CLEC2A: variants seen among roughly 807,000 people sequenced by gnomAD.
CLEC2A encodes C-type lectin domain family 2 member A, also known as keratinocyte-associated C-type lectin.
Under a neutral mutation model 18.6 loss-of-function variants are expected in CLEC2A, and 19 were observed. The ratio of observed to expected loss-of-function variants is 1.02; its 90% confidence interval spans 0.71 to 1.50. The LOEUF is 1.50. CLEC2A is among the 40% of genes most tolerant of loss of function. The probability of loss-of-function intolerance (pLI) is 0.00; values close to 1 mark genes in which losing one functional copy is unlikely to be tolerated. For synonymous variants in CLEC2A, 74 were observed against 64.0 expected, an observed-to-expected ratio of 1.16 and a Z score of -0.75; for missense variants, 190 against 207.9, an observed-to-expected ratio of 0.91 and a Z score of 0.53.
At chr12:9,889,048 A>ATT in the CLEC2A span, among the ~76,000 whole-genome samples, 1 of 152,200 alleles carries the variant, frequency 6.6e-6, no homozygotes, top group Non-Finnish European at 1.5e-5. Context: ...TGCCATACCT[A>ATT]ACTTGCCAAA....
At chr12:9,904,668 G>A (rs1852197667) in intron 4 of CLEC2A, among the ~76,000 whole-genome samples, 2 of 152,064 alleles carry the variant, frequency 1.3e-5, no homozygotes, top group Non-Finnish European at 2.9e-5. Flanking sequence ...ATTCCTATGG[G>A]GTCTCGTCCT....
At chr12:9,920,444 G>A (rs1486903616) in intron 3 of CLEC2A, among the ~76,000 whole-genome samples, 2 of 152,168 alleles carry the variant, frequency 1.3e-5, no homozygotes, top group East Asian at 3.9e-4. Context: ...AGATCCATGG[G>A]AGCAGCATGG....
chr12:9,906,507 G>A (rs768336214), intron 4 of CLEC2A, among the ~76,000 whole-genome samples: 9 of 152,118 alleles, frequency 5.9e-5, no homozygotes, highest in Non-Finnish European at 1.0e-4. Flanking sequence ...TGGCCTTTGC[G>A]GTTAATAAGA....
the CLEC2A span, among the ~76,000 whole-genome samples, chr12:9,887,181 A>G: frequency 6.6e-6 from 1 of 152,304 alleles, no homozygotes; most frequent in East Asian, 1.9e-4. Context: ...ATTTCTCAAG[A>G]GTAAAAGCAA....
chr12:9,916,751 C>T lies in CLEC2A; in HGVS notation c.359G>A (p.Arg120Lys). ...CCATTTCCAAGAATCTCCTTGTTTC[C>T]TGCTTAGTCCAATCCAGTGCATATC... is the stretch of plus-strand genomic sequence containing the variant. ...GTDMHWIGLSRKQGDSWKWTN... is the reference protein window; with the variant it reads ...GTDMHWIGLSKKQGDSWKWTN... The change falls in exon 4 of 5, where the codon AGG (arginine) becomes AAG (lysine). Residue 120 changes from arginine (R) to lysine (K), a missense_variant. By Grantham distance (26) the Arg-to-Lys change is conservative. Coordinates refer to ENST00000455827, the MANE Select transcript of CLEC2A (RefSeq NM_001130711.2). The T allele has an allele frequency of 6.4e-7, 1 of 1,551,458 alleles. No individual in the cohort carries two copies. The highest frequency in any genetic ancestry group is 8.7e-7 in the Non-Finnish European group (1 of 1,146,720).
intron 2 of CLEC2A, among the ~76,000 whole-genome samples, chr12:9,924,256 T>C (rs1863226718): frequency 6.6e-6 from 1 of 151,694 alleles, no homozygotes; most frequent in Admixed American, 6.6e-5. Flanking sequence ...GCCACATAAA[T>C]GTCTTCTTTT....
chr12:9,885,605 C>T, the CLEC2A span, among the ~76,000 whole-genome samples: 31 of 151,962 alleles, frequency 2.0e-4, no homozygotes, highest in Admixed American at 5.2e-4. Flanking sequence ...ACTTCTGTAG[C>T]GTAGAAGATC....
chr12:9,926,724 G>T (rs1863279122), intron 1 of CLEC2A, among the ~76,000 whole-genome samples: 1 of 152,098 alleles, frequency 6.6e-6, no homozygotes, highest in Non-Finnish European at 1.5e-5. Context: ...AAGGCAATAG[G>T]ATTAAAGACA....
At chr12:9,886,763 CAA>C in the CLEC2A span, among the ~76,000 whole-genome samples, 1,834 of 103,452 alleles carry the variant, frequency 0.018, 31 homozygotes, top group African/African-American at 0.065. Flanking sequence ...CTATATCATG[CAA>C]AAAAAAAAAA....
At chr12:9,897,150 G>A (rs537968767), downstream of CLEC2A, among the ~76,000 whole-genome samples, 6 of 152,194 alleles carry the variant, frequency 3.9e-5, no homozygotes, top group South Asian at 4.1e-4. Flanking sequence ...ATGAGCCACC[G>A]TGTCTAGCCT....
chr12:9,906,744 C>T (rs1293281026), intron 4 of CLEC2A, among the ~76,000 whole-genome samples: 5 of 152,204 alleles, frequency 3.3e-5, no homozygotes, highest in Admixed American at 2.6e-4. Context: ...CCCTCAATTA[C>T]CTGGGAGGAG....
Position 9,922,226 on chromosome 12 carries a change from C to G in CLEC2A, c.146G>C (p.Trp49Ser), listed in dbSNP as rs748326442. Residue 49 changes from tryptophan to serine, a missense_variant, in exon 3 of 5, where the codon TGG becomes TCG. Physicochemically the swap from Trp to Ser is radical, Grantham distance 177. Coordinates refer to ENST00000455827, the MANE Select transcript of CLEC2A (RefSeq NM_001130711.2). Reference protein sequence around the residue: ...TTVCIIMIATWSKHAKPVACS... With the variant: ...TTVCIIMIATSSKHAKPVACS... ...TGCCACAGGTTTAGCATGCTTGGAC[C>G]ATGTGGCTGAAAAAAAAAGAAAGAA... The G allele has an allele frequency of 1.1e-5, 17 of 1,517,910 alleles. No homozygotes were observed. Among genetic ancestry groups the G allele is most frequent in the Non-Finnish European group, 1.4e-5 (16 of 1,132,952 alleles). The allele number at this position is 1,517,910 out of a possible 1,614,324, so 94.0% of individuals were successfully genotyped here.
intron 2 of CLEC2A, 47 bp from the exon 3 acceptor site, chr12:9,922,279 G>C: frequency 7.0e-7 from 1 of 1,437,530 alleles, no homozygotes. Flanking sequence ...ATGTTAAAAA[G>C]TGTTTCTACT....
chr12:9,891,827 A>C, the CLEC2A span, among the ~76,000 whole-genome samples: 3 of 152,198 alleles, frequency 2.0e-5, no homozygotes, highest in African/African-American at 7.2e-5. Flanking sequence ...TTTTAATCTT[A>C]GCTGGACATA....
chr12:9,899,310 T>G (rs1862793975), intron 4 of CLEC2A, among the ~76,000 whole-genome samples: 2 of 152,050 alleles, frequency 1.3e-5, no homozygotes, highest in African/African-American at 4.8e-5. Flanking sequence ...TCTCATAGTA[T>G]GGAGACACAA....
intron 1 of CLEC2A, among the ~76,000 whole-genome samples, chr12:9,931,465 A>G (rs1863374152): frequency 6.6e-6 from 1 of 152,192 alleles, no homozygotes; most frequent in African/African-American, 2.4e-5. Flanking sequence ...ATCACTGAAA[A>G]CATTCTAGTA....
At chr12:9,919,976 G>A (rs537873807) in intron 3 of CLEC2A, among the ~76,000 whole-genome samples, 6 of 152,208 alleles carry the variant, frequency 3.9e-5, no homozygotes, top group Non-Finnish European at 5.9e-5. Flanking sequence ...CAGCTGTGCC[G>A]TGCTGGGGGA....
intron 1 of CLEC2A, among the ~76,000 whole-genome samples, chr12:9,931,297 T>G (rs1410109733): frequency 1.3e-5 from 2 of 152,198 alleles, no homozygotes; most frequent in East Asian, 1.9e-4. Context: ...AGACTAATTT[T>G]TAAAAATTTT....
chr12:9,916,606 A>G, intron 4 of CLEC2A, 94 bp downstream of exon 4: 1 of 842,302 alleles, frequency 1.2e-6, no homozygotes, highest in Non-Finnish European at 1.9e-6. Context: ...TGGAAAACAG[A>G]AAGATTTGTT....
Sources: allele counts gnomAD v4.1 joint callset (sites outside exome capture counted in the v4.1 genomes callset), GRCh38; gene constraint gnomAD v4.1.1; transcripts MANE v1.5; gene names NCBI Gene and HGNC (gene_info 2026-07-23, HGNC 2026-07-21).